The following CDH13 variants were observed in gnomAD, a reference collection of about 807,000 sequenced individuals.
CDH13 encodes the protein cadherin 13.
In CDH13, 24 loss-of-function variants were observed where a neutral mutation model predicts 63.8. The ratio of observed to expected loss-of-function variants is 0.38; its 90% CI spans 0.27 to 0.53. The LOEUF is 0.53. CDH13 is among the 20% of genes least tolerant of loss of function. The probability of loss-of-function intolerance (pLI) is 0.85; values close to 1 mark genes in which losing one functional copy is unlikely to be tolerated. For synonymous variants in CDH13, 503 were observed against 355.3 expected, an observed-to-expected ratio of 1.42 and a Z score of -4.67; for missense variants, 1,049 against 903.1, an observed-to-expected ratio of 1.16 and a Z score of -2.07.
At chr16:83,410,565 G>T (rs1452323947) in intron 6 of CDH13, among the ~76,000 whole-genome samples, 2 of 152,026 alleles carry the variant, frequency 1.3e-5, no homozygotes, top group African/African-American at 4.8e-5. Context: ...CCTATATTTT[G>T]TATTACCATC....
At chr16:82,666,982 G>A (rs976869508) in intron 1 of CDH13, among the ~76,000 whole-genome samples, 1 of 152,142 alleles carries the variant, frequency 6.6e-6, no homozygotes, top group African/African-American at 2.4e-5. Context: ...TCCAGTTCCT[G>A]TTCTTAAACA....
intron 1 of CDH13, among the ~76,000 whole-genome samples, chr16:82,787,841 A>AGTGTGTGTGTGTGTGTTTGTGTGT (rs10528183): frequency 6.8e-6 from 1 of 146,654 alleles, no homozygotes; most frequent in East Asian, 2.1e-4. Flanking sequence ...GAAGGGAGGA[A>AGTGTGTGTGTGTGTGTTTGTGTGT]GTGTGTGTGT....
At chr16:83,152,383 T>C (rs1456764051) in intron 4 of CDH13, among the ~76,000 whole-genome samples, 2 of 152,230 alleles carry the variant, frequency 1.3e-5, no homozygotes, top group East Asian at 1.9e-4. Flanking sequence ...AAAAATACTA[T>C]TAAGGGAAAA....
intron 1 of CDH13, among the ~76,000 whole-genome samples, chr16:82,650,088 T>G (rs1250059503): frequency 6.6e-6 from 1 of 152,186 alleles, no homozygotes; most frequent in Non-Finnish European, 1.5e-5. Context: ...GAAAGTACAC[T>G]TGGAGCCTCA....
At position 83,087,846 on chromosome 16, in the gene CDH13, A is replaced by T. The variant is rs76173000; in HGVS notation, c.367-37539A>T. Among the ~76,000 whole-genome samples the T allele has an allele frequency of 1.3e-5, 2 of 152,074 alleles. 1 individual carries two copies. The highest frequency in any genetic ancestry group is 4.1e-4 in the South Asian group (2 of 4,826). On this transcript the variant is annotated intron_variant, in intron 3 of 13. Transcript: ENST00000567109. ...TGGGTGCTAATTACAAATGGGTCTT[A>T]TGTATGCCCTTGGGTTGTCTAGCAA...
chr16:82,989,425 G>C (rs72792132), intron 2 of CDH13, among the ~76,000 whole-genome samples: 18,855 of 152,226 alleles, frequency 0.12, 1,424 homozygotes, highest in Middle Eastern at 0.19. Flanking sequence ...GGGATGGGGA[G>C]ATGAAGAAGC....
intron 8 of CDH13, among the ~76,000 whole-genome samples, chr16:83,610,973 G>A (rs770248558): frequency 6.6e-6 from 1 of 152,014 alleles, no homozygotes; most frequent in Non-Finnish European, 1.5e-5. Context: ...TTTTTGGTTT[G>A]TTATTATTTT....
At chr16:83,539,178 G>A (rs141834093) in intron 7 of CDH13, among the ~76,000 whole-genome samples, 1,609 of 152,236 alleles carry the variant, frequency 0.011, 12 homozygotes, top group Middle Eastern at 0.017. Context: ...CAATTTTTCT[G>A]TGGGCAAGGG....
intron 1 of CDH13, among the ~76,000 whole-genome samples, chr16:82,758,899 G>T (rs1053631222): frequency 1.3e-5 from 2 of 152,066 alleles, no homozygotes; most frequent in African/African-American, 4.8e-5. Context: ...CTGAAGCCTC[G>T]GCCAGTCTTT....
chr16:83,148,833 C>G (rs76140030), intron 4 of CDH13, among the ~76,000 whole-genome samples: 2,238 of 152,108 alleles, frequency 0.015, 51 homozygotes, highest in African/African-American at 0.051. Flanking sequence ...AAAATATTTA[C>G]TCTTTTTTAA....
At position 83,218,973 on chromosome 16, in the gene CDH13, T is replaced by A. The variant is rs556158155; in HGVS notation, c.636+1476T>A. Among the ~76,000 whole-genome samples the A allele has an allele frequency of 3.9e-5, 6 of 152,338 alleles. No homozygotes were observed. In the South Asian group the frequency reaches 1.0e-3, roughly 26 times the overall value. On this transcript the variant is annotated intron_variant, in intron 5 of 13. Transcript: ENST00000567109. The stretch of plus-strand genomic sequence containing the variant: ...CTTGTTCTTCCTCCATCTTCTGCCA[T>A]GATTGTGAGGCCTCCCCAGCCATGT...
intron 8 of CDH13, among the ~76,000 whole-genome samples, chr16:83,657,683 C>G (rs1481667202): frequency 6.6e-6 from 1 of 152,196 alleles, no homozygotes; most frequent in Non-Finnish European, 1.5e-5. Flanking sequence ...AAGAGATGAC[C>G]TCCAGGAGAC....
chr16:83,509,709 C>G (rs1412177678), intron 7 of CDH13, among the ~76,000 whole-genome samples: 1 of 152,100 alleles, frequency 6.6e-6, no homozygotes, highest in South Asian at 2.1e-4. Context: ...ACCAAAAAGT[C>G]CTTTTTGGTG....
At chr16:82,638,823 T>TGTGTGTGTGTGTGTGTGTGCGC (rs139451683) in intron 1 of CDH13, among the ~76,000 whole-genome samples, 5 of 150,790 alleles carry the variant, frequency 3.3e-5, no homozygotes, top group African/African-American at 1.2e-4. Flanking sequence ...GGGCAGTGTG[T>TGTGTGTGTGTGTGTGTGTGCGC]GCGTGTGTGC....
intron 10 of CDH13, among the ~76,000 whole-genome samples, chr16:83,706,200 C>G (rs544367736): frequency 6.6e-6 from 1 of 152,188 alleles, no homozygotes. Flanking sequence ...TGTGGCCTCT[C>G]CACGAGGCCT....
intron 1 of CDH13, among the ~76,000 whole-genome samples, chr16:82,791,239 A>C (rs1224243454): frequency 5.9e-3 from 6 of 1,010 alleles, no homozygotes; most frequent in Non-Finnish European, 0.016. Context: ...TCCGTCTCCA[A>C]AAAAAAAAAA....
intron 2 of CDH13, among the ~76,000 whole-genome samples, chr16:82,956,354 TTAATA>T (rs1433664725): frequency 6.6e-6 from 1 of 152,070 alleles, no homozygotes; most frequent in Non-Finnish European, 1.5e-5. Context: ...ATTCTAGTCT[TTAATA>T]TCTAATTTCT....
chr16:83,743,969 TG>T (rs1436558415), intron 10 of CDH13, among the ~76,000 whole-genome samples: 1 of 151,964 alleles, frequency 6.6e-6, no homozygotes, highest in African/African-American at 2.4e-5. Context: ...ATTCCAGCTC[TG>T]TCTCTTATTA....
At chr16:82,813,666 C>G (rs1186721821) in intron 1 of CDH13, among the ~76,000 whole-genome samples, 8 of 152,132 alleles carry the variant, frequency 5.3e-5, no homozygotes, top group Non-Finnish European at 1.2e-4. Context: ...GCATGTCTCT[C>G]TCTATTACCT....
Sources: allele counts gnomAD v4.1 joint callset (sites outside exome capture counted in the v4.1 genomes callset), GRCh38; gene constraint gnomAD v4.1.1; transcripts MANE v1.5; gene names NCBI Gene and HGNC (gene_info 2026-07-23, HGNC 2026-07-21).